DIPK1A: variants seen among roughly 807,000 people sequenced by gnomAD.
DIPK1A encodes divergent protein kinase domain 1A, also known as family with sequence similarity 69 member A.
DIPK1A carries 27 observed loss-of-function variants against 40.8 expected under a neutral mutation model. That is an observed-to-expected ratio of 0.66 (90% CI 0.49 to 0.91). DIPK1A has a LOEUF of 0.91. Ranked by LOEUF, DIPK1A falls within the 40% of genes least tolerant of loss-of-function variation. DIPK1A has a pLI of 0.00. For missense variants in DIPK1A, 412 were observed against 505.7 expected (o/e 0.81, Z 1.78); for synonymous variants, 166 against 171.3 (o/e 0.97, Z 0.24).
intron 2 of DIPK1A, among the ~76,000 whole-genome samples, chr1:92,852,890 G>T (rs1012813861): frequency 6.6e-6 from 1 of 151,848 alleles, no homozygotes; most frequent in African/African-American, 2.4e-5. Context: ...TAATACAAAA[G>T]AATTAGCTGG....
chr1:92,834,640 A>G lies in DIPK1A; in HGVS notation c.475-1606T>C, dbSNP rs981883914. 81 of 1,111,738 alleles carry G rather than the reference A, an allele frequency of 7.3e-5. No homozygotes were observed. In the African/African-American group the frequency reaches 8.9e-4, roughly 12 times the overall value. The allele number at this position is 1,111,738 out of a possible 1,614,324, so 68.9% of individuals were successfully genotyped here. ...TTTAAGCACCTCTAATTTACTGGTA[A>G]CCCAGCTAAGAGTCTTAAGCATTTT... On this transcript the variant is annotated intron_variant, in intron 4 of 4. Transcript: ENST00000615519.
intron 1 of DIPK1A, among the ~76,000 whole-genome samples, chr1:92,942,419 C>T (rs1010934827): frequency 2.6e-5 from 4 of 152,104 alleles, no homozygotes; most frequent in Non-Finnish European, 5.9e-5. Context: ...GTATGAACAG[C>T]ATTATGAGTA....
At chr1:92,938,488 A>T (rs2100886052) in intron 1 of DIPK1A, among the ~76,000 whole-genome samples, 1 of 151,768 alleles carries the variant, frequency 6.6e-6, no homozygotes, top group South Asian at 2.1e-4. Flanking sequence ...AAAAAAAAAA[A>T]AGTTGATTCC....
intron 1 of DIPK1A, among the ~76,000 whole-genome samples, chr1:92,955,063 T>G (rs1651795435): frequency 6.6e-6 from 1 of 152,198 alleles, no homozygotes; most frequent in South Asian, 2.1e-4. Flanking sequence ...TGCATATTAC[T>G]AAGTGAAAGA....
chr1:92,842,478 G>GAA lies in DIPK1A; in HGVS notation c.*903_*904dup, dbSNP rs35488718. 2 of 977,242 alleles carry GAA rather than the reference G, an allele frequency of 2.0e-6. No homozygotes were observed. Among genetic ancestry groups the GAA allele is most frequent in the African/African-American group, 1.8e-5 (1 of 57,016 alleles). The allele number at this position is 977,242 out of a possible 1,614,324, so 60.5% of individuals were successfully genotyped here. Reference sequence around the variant, plus strand: ...ACCTTGTATATCAAGTTTACATGGGGAAAAAAACATTAGATAAATAAATAC... The same window carrying GAA: ...ACCTTGTATATCAAGTTTACATGGGGAAAAAAAAACATTAGATAAATAAATAC... On this transcript the variant is annotated 3_prime_UTR_variant, in exon 5 of 5. Transcript: ENST00000370310.
intron 1 of DIPK1A, among the ~76,000 whole-genome samples, chr1:92,912,763 C>T (rs531154792): frequency 6.6e-6 from 1 of 152,134 alleles, no homozygotes; most frequent in African/African-American, 2.4e-5. Flanking sequence ...GGAGCTATAC[C>T]TAATACATTA....
Position 92,842,779 on chromosome 1 carries a change from A to G in DIPK1A, c.*604T>C, listed in dbSNP as rs1289287874. ...CAATAAAATTGGTGTACTGTCAAGT[A>G]TAAGATTTCTTGAAGTAAGCCACTT... On this transcript the variant is annotated 3_prime_UTR_variant, in exon 5 of 5. Coordinates refer to ENST00000370310, the MANE Select transcript of DIPK1A (RefSeq NM_001006605.5). 3.0e-6 allele frequency: 3 copies of G among 985,342 alleles called. No homozygotes were observed. The highest frequency in any genetic ancestry group is 3.6e-6 in the Non-Finnish European group (3 of 829,948). 61.0% of individuals were successfully genotyped at this position (985,342 alleles called of 1,614,324 possible).
chr1:92,836,498 C>A, intron 4 of DIPK1A: 1 of 990,684 alleles, frequency 1.0e-6, no homozygotes, highest in South Asian at 1.3e-5. Context: ...CAATTGAATG[C>A]CTGCTGTATG....
At chr1:92,833,244 T>C (rs1462846612) in intron 4 of DIPK1A, 2 of 701,342 alleles carry the variant, frequency 2.9e-6, no homozygotes, top group Non-Finnish European at 5.1e-6. Context: ...TTGACCCTAG[T>C]TGCTTGTGAA....
Position 92,959,448 on chromosome 1 carries a change from CTTTTTTT to C in DIPK1A, c.54+1921_54+1927del, listed in dbSNP as rs1012376544. 2.6e-5 allele frequency among the ~76,000 whole-genome samples: 3 copies of C among 115,460 alleles called. No homozygotes were observed. In the East Asian group the frequency reaches 7.5e-4, roughly 29 times the overall value. The allele number at this position is 115,460 out of a possible 152,430, so 75.7% of individuals were successfully genotyped here. A position where few individuals can be genotyped will look rare whatever the true frequency, so the allele number is the denominator to read the frequency against. The stretch of plus-strand genomic sequence containing the variant: ...GTATACAAATTTCCACAGTAAAACA[CTTTTTTT>C]TTTTTTTTTTTTTTGAGACGGAGTC... On this transcript the variant is annotated intron_variant, in intron 1 of 4. Coordinates refer to ENST00000370310, the MANE Select transcript of DIPK1A (RefSeq NM_001006605.5).
intron 1 of DIPK1A, among the ~76,000 whole-genome samples, chr1:92,906,092 C>T (rs549177678): frequency 6.6e-6 from 1 of 152,200 alleles, no homozygotes; most frequent in Admixed American, 6.5e-5. Flanking sequence ...CTCAGGATGA[C>T]TTTGGCTATT....
At chr1:92,915,890 A>C (rs1650034474) in intron 1 of DIPK1A, among the ~76,000 whole-genome samples, 3 of 152,176 alleles carry the variant, frequency 2.0e-5, no homozygotes. Flanking sequence ...CAAGTAGATA[A>C]AAAAAATAAG....
Position 92,843,884 on chromosome 1 carries a change from T to C in DIPK1A, c.786A>G (p.Thr262=), listed in dbSNP as rs1234908025. The change falls in exon 5 of 5, where the codon ACA becomes ACG. Residue 262 remains threonine, a synonymous_variant. Transcript: ENST00000370310. ...GFRRSMDQLF[T]PSWPRKAKIA... The stretch of plus-strand genomic sequence containing the variant: ...TTTTGGCCTTTCTTGGCCATGATGG[T>C]GTGAACAGCTGATCCATGCTTCTTC... 1.3e-6 allele frequency: 2 copies of C among 1,551,650 alleles called. No homozygotes were observed. Among genetic ancestry groups the C allele is most frequent in the Non-Finnish European group, 1.7e-6 (2 of 1,147,010 alleles).
At chr1:92,835,573 T>A (rs1350459948) in intron 4 of DIPK1A, among the ~76,000 whole-genome samples, 1 of 146,526 alleles carries the variant, frequency 6.8e-6, no homozygotes, top group Non-Finnish European at 1.5e-5. Flanking sequence ...GGCAGGAGAA[T>A]CACTTGAACC....
At chr1:92,862,842 T>C in intron 2 of DIPK1A, among the ~76,000 whole-genome samples, 1 of 152,222 alleles carries the variant, frequency 6.6e-6, no homozygotes, top group Non-Finnish European at 1.5e-5. Context: ...TTATTTCTCA[T>C]GTTTGTAGCT....
intron 1 of DIPK1A, among the ~76,000 whole-genome samples, chr1:92,957,330 A>AAT: frequency 6.6e-6 from 1 of 152,386 alleles, no homozygotes; most frequent in East Asian, 1.9e-4. Context: ...TTAAGCAGTT[A>AAT]ATACATCCAC....
intron 1 of DIPK1A, among the ~76,000 whole-genome samples, chr1:92,885,334 T>TAAC (rs1313851296): frequency 5.3e-5 from 8 of 152,106 alleles, no homozygotes; most frequent in South Asian, 4.1e-4. Flanking sequence ...AACATTTCTT[T>TAAC]AACAACAACA....
chr1:92,923,208 G>A (rs993277637), intron 1 of DIPK1A, among the ~76,000 whole-genome samples: 1 of 152,000 alleles, frequency 6.6e-6, no homozygotes, highest in Non-Finnish European at 1.5e-5. Flanking sequence ...GCACGATCTC[G>A]GCTCACTGCA....
At chr1:92,848,091 C>T (rs1271792976) in intron 3 of DIPK1A, among the ~76,000 whole-genome samples, 2 of 152,038 alleles carry the variant, frequency 1.3e-5, no homozygotes, top group African/African-American at 4.8e-5. Context: ...GTGGTAGGTA[C>T]TATCATTATA....
Sources: gnomAD v4.1 joint callset for allele counts (sites outside exome capture counted in the v4.1 genomes callset) on GRCh38, gnomAD v4.1.1 for gene constraint, MANE v1.5 for transcripts, NCBI Gene and HGNC (gene_info 2026-07-23, HGNC 2026-07-21) for gene names.